NAA50: variants seen among roughly 807,000 people sequenced by gnomAD.
The protein encoded by NAA50 is N-alpha-acetyltransferase 50.
NAA50 carries 7 observed loss-of-function variants against 20.7 expected under a neutral mutation model. That is an observed-to-expected ratio of 0.34 (90% CI 0.19 to 0.63). The LOEUF is 0.63. NAA50 is among the 30% of genes least tolerant of loss of function. NAA50 has a pLI of 0.75. For synonymous variants in NAA50, 54 were observed against 70.6 expected (o/e 0.77, Z 1.18); for missense variants, 111 against 199.1 (o/e 0.56, Z 2.66).
chr3:113,744,253 G>A (rs1403280040), intron 1 of NAA50, among the ~76,000 whole-genome samples: 1 of 152,066 alleles, frequency 6.6e-6, no homozygotes, highest in Non-Finnish European at 1.5e-5. Context: ...CTTGAGCTCA[G>A]GAGTTTGAGA....
chr3:113,721,570 T>G lies in NAA50; in HGVS notation c.*190A>C, dbSNP rs1708136296. 1.6e-6 allele frequency: 1 copy of G among 640,520 alleles called. No homozygotes were observed. Among genetic ancestry groups the G allele is most frequent in the East Asian group, 2.8e-5 (1 of 36,134 alleles). 39.7% of individuals were successfully genotyped at this position (640,520 alleles called of 1,614,324 possible). ...CCTCACAAAAATAAGAGAAAACAAT[T>G]CAAACATGATTATTTTTTTAAAGTC... On this transcript the variant is annotated 3_prime_UTR_variant, in exon 5 of 5. Coordinates refer to ENST00000240922, the MANE Select transcript of NAA50 (RefSeq NM_025146.4).
intron 1 of NAA50, among the ~76,000 whole-genome samples, chr3:113,731,786 C>T (rs375613881): frequency 2.0e-5 from 3 of 152,170 alleles, no homozygotes; most frequent in African/African-American, 4.8e-5. Context: ...TGTTTTAACA[C>T]GTCAGCAGTC....
chr3:113,744,190 A>G (rs1336551559), intron 1 of NAA50, among the ~76,000 whole-genome samples: 1 of 152,164 alleles, frequency 6.6e-6, no homozygotes, highest in Non-Finnish European at 1.5e-5. Flanking sequence ...TGCCGCGTTC[A>G]GTGGCTCACA....
chr3:113,721,469 T>C lies in NAA50; in HGVS notation c.*291A>G, dbSNP rs561326272. On this transcript the variant is annotated 3_prime_UTR_variant, in exon 5 of 5. Transcript: ENST00000240922. ...GCAGGACATTAAATTTGAAATTATT[T>C]GACAATTAAATGTTTAGGACCATCT... The C allele has an allele frequency of 4.4e-5, 16 of 360,108 alleles. No individual in the cohort carries two copies. The East Asian group carries it at 9.6e-4, about 21-fold the overall frequency. The allele number at this position is 360,108 out of a possible 1,614,324, so 22.3% of individuals were successfully genotyped here. A position where few individuals can be genotyped will look rare whatever the true frequency, so the allele number is the denominator to read the frequency against.
chr3:113,736,957 T>G (rs554702654), intron 1 of NAA50, among the ~76,000 whole-genome samples: 1 of 152,362 alleles, frequency 6.6e-6, no homozygotes, highest in African/African-American at 2.4e-5. Context: ...TCATTTGTTG[T>G]GCAGAGTATT....
intron 1 of NAA50, among the ~76,000 whole-genome samples, chr3:113,727,895 C>A (rs888011422): frequency 6.6e-6 from 1 of 151,906 alleles, no homozygotes; most frequent in South Asian, 2.1e-4. Flanking sequence ...CTTAATGTAA[C>A]CTTGTCAGCA....
intron 1 of NAA50, among the ~76,000 whole-genome samples, chr3:113,738,689 T>C (rs1020861473): frequency 2.6e-5 from 4 of 152,236 alleles, no homozygotes; most frequent in African/African-American, 9.6e-5. Context: ...AAACTAAAAC[T>C]TGGTTGCTTT....
At position 113,720,286 on chromosome 3, in the gene NAA50, A is replaced by T. The variant is rs1463273392; in HGVS notation, c.*1474T>A. The T allele has an allele frequency of 6.6e-6, 1 of 152,428 alleles. No individual in the cohort carries two copies. The highest frequency in any genetic ancestry group is 1.5e-5 in the Non-Finnish European group (1 of 68,032). 9.4% of individuals were successfully genotyped at this position (152,428 alleles called of 1,614,324 possible). The stretch of plus-strand genomic sequence containing the variant: ...ATGAGACTTTATACCGCAATTTTAC[A>T]TAAGAGGATAAATATGAATGAAACT... On this transcript the variant is annotated 3_prime_UTR_variant, in exon 5 of 5. Coordinates refer to ENST00000240922, the MANE Select transcript of NAA50 (RefSeq NM_025146.4).
chr3:113,743,236 C>T (rs921459840), intron 1 of NAA50, among the ~76,000 whole-genome samples: 1 of 152,282 alleles, frequency 6.6e-6, no homozygotes, highest in Admixed American at 6.5e-5. Flanking sequence ...ATATGATAGG[C>T]AACATAGGCA....
At chr3:113,728,790 C>A (rs1708233290) in intron 1 of NAA50, among the ~76,000 whole-genome samples, 2 of 152,160 alleles carry the variant, frequency 1.3e-5, no homozygotes, top group Non-Finnish European at 2.9e-5. Context: ...ATTCCTAGAT[C>A]CAAGCAATCT....
At chr3:113,744,319 C>T (rs1386231509) in intron 1 of NAA50, among the ~76,000 whole-genome samples, 1 of 152,136 alleles carries the variant, frequency 6.6e-6, no homozygotes, top group Admixed American at 6.5e-5. Flanking sequence ...AAAAAATTAG[C>T]AAGGCGTGGT....
chr3:113,736,617 T>C (rs1310344189), intron 1 of NAA50, among the ~76,000 whole-genome samples: 1 of 152,178 alleles, frequency 6.6e-6, no homozygotes, highest in Non-Finnish European at 1.5e-5. Flanking sequence ...ATGCTCATAA[T>C]TGTAAAAACA....
intron 1 of NAA50, chr3:113,740,807 G>T: frequency 5.2e-6 from 1 of 190,956 alleles, no homozygotes; most frequent in Non-Finnish European, 1.1e-5. Flanking sequence ...TAATCAATTT[G>T]GTAAAACAAA....
intron 1 of NAA50, among the ~76,000 whole-genome samples, chr3:113,735,419 C>A (rs1236706332): frequency 6.6e-6 from 1 of 152,140 alleles, no homozygotes; most frequent in African/African-American, 2.4e-5. Context: ...ACGGCATGTG[C>A]GTAAATTCCT....
At chr3:113,738,302 T>C (rs1708371896) in intron 1 of NAA50, among the ~76,000 whole-genome samples, 1 of 152,198 alleles carries the variant, frequency 6.6e-6, no homozygotes. Flanking sequence ...AATGTTAATG[T>C]TTTTATTTCC....
chr3:113,745,896 C>G lies in NAA50; in HGVS notation c.8+46G>C. ...CTCTCCCCCTCTACATGGGCCCGGA[C>G]CCTTCTACCCCACCGGCCGGGCCCT... On this transcript the variant is annotated intron_variant, in intron 1 of 4. Transcript: ENST00000240922. The G allele has an allele frequency of 2.5e-6, 4 of 1,599,148 alleles. No individual in the cohort carries two copies. The East Asian group carries it at 9.1e-5, about 36-fold the overall frequency.
chr3:113,729,907 C>A (rs538096238), intron 1 of NAA50, among the ~76,000 whole-genome samples: 117 of 151,982 alleles, frequency 7.7e-4, no homozygotes, highest in Non-Finnish European at 1.6e-3. Flanking sequence ...TTACCTTTTT[C>A]TTTTTACTTT....
chr3:113,722,971 T>C lies in NAA50; in HGVS notation c.267A>G (p.Gly89=), dbSNP rs34588634. 0.023 allele frequency: 35,589 copies of C among 1,528,430 alleles called. 500 individuals are homozygous for C. Among genetic ancestry groups the C allele is most frequent in the Non-Finnish European group, 0.028 (32,061 of 1,127,494 alleles). 94.7% of individuals were successfully genotyped at this position (1,528,430 alleles called of 1,614,324 possible). The change falls in exon 4 of 5, where the codon GGA becomes GGG. Residue 89 remains glycine, a splice_region_variant and synonymous_variant. Coordinates refer to ENST00000240922, the MANE Select transcript of NAA50 (RefSeq NM_025146.4). ...CLAPYRRLGI[G]TKMLNHVLNI... ...TTAAGACATGATTTAACATTTTAGTTCCTGTTAATAAAATAAATAACAAAC... is the reference window on the plus strand; with the variant it reads ...TTAAGACATGATTTAACATTTTAGTCCCTGTTAATAAAATAAATAACAAAC...
At chr3:113,736,674 A>G (rs1708346817) in intron 1 of NAA50, among the ~76,000 whole-genome samples, 1 of 152,268 alleles carries the variant, frequency 6.6e-6, no homozygotes, top group South Asian at 2.1e-4. Flanking sequence ...ATATGACTCC[A>G]CAAAAGTGGG....
Sources: gnomAD v4.1 joint callset for allele counts (sites outside exome capture counted in the v4.1 genomes callset) on GRCh38, gnomAD v4.1.1 for gene constraint, MANE v1.5 for transcripts, NCBI Gene and HGNC (gene_info 2026-07-23, HGNC 2026-07-21) for gene names.